Variants in SCN2A observed in about 807,000 individuals in gnomAD.
SCN2A encodes the protein sodium channel protein type 2 subunit alpha.
SCN2A carries 20 observed loss-of-function variants against 188.7 expected under a neutral mutation model. That is an observed-to-expected ratio of 0.11 (90% CI 0.07 to 0.15). The LOEUF (loss-of-function observed/expected upper bound fraction) is 0.15, where lower values mean the gene tolerates loss of function less well. Ranked by LOEUF, SCN2A falls within the 10% of genes least tolerant of loss-of-function variation. The probability of loss-of-function intolerance (pLI) is 1.00; values close to 1 mark genes in which losing one functional copy is unlikely to be tolerated. For missense variants in SCN2A, 1,278 were observed against 2,445.0 expected, an observed-to-expected ratio of 0.52 and a Z score of 10.07; for synonymous variants, 804 against 833.1, an observed-to-expected ratio of 0.97 and a Z score of 0.60.
chr2:165,271,140 A>G (rs1049982599), intron 1 of SCN2A: 1 of 152,028 alleles, frequency 6.6e-6, no homozygotes, highest in African/African-American at 2.4e-5. Flanking sequence ...TTGCTTTTGT[A>G]TGTTGTTCTC....
At chr2:165,280,285 A>C (rs1266282531) in intron 1 of SCN2A, among the ~76,000 whole-genome samples, 1 of 152,148 alleles carries the variant, frequency 6.6e-6, no homozygotes, top group Non-Finnish European at 1.5e-5. Context: ...TATGTACTCA[A>C]TCCCTACTCT....
At chr2:165,294,104 C>A in intron 1 of SCN2A, 1 of 975,164 alleles carries the variant, frequency 1.0e-6, no homozygotes, top group Non-Finnish European at 1.2e-6. Context: ...GCTTATCAAT[C>A]CCAAACTCTG....
intron 19 of SCN2A, among the ~76,000 whole-genome samples, chr2:165,369,572 C>T (rs1043042252): frequency 2.6e-5 from 4 of 152,060 alleles, no homozygotes; most frequent in African/African-American, 9.7e-5. Flanking sequence ...TTCTGGAAGC[C>T]TCAGGAGTTC....
intron 11 of SCN2A, among the ~76,000 whole-genome samples, chr2:165,316,156 C>A (rs1697735693): frequency 3.3e-5 from 5 of 152,140 alleles, no homozygotes; most frequent in Admixed American, 2.6e-4. Context: ...AGGCCACCTG[C>A]GGGGTTGTTC....
intron 11 of SCN2A, among the ~76,000 whole-genome samples, chr2:165,319,095 T>G (rs1018032105): frequency 2.6e-5 from 4 of 152,112 alleles, no homozygotes; most frequent in Non-Finnish European, 5.9e-5. Flanking sequence ...CCCAGCATTT[T>G]GGGAGGCCGA....
At chr2:165,360,988 G>A (rs1465824058) in intron 17 of SCN2A, among the ~76,000 whole-genome samples, 1 of 151,846 alleles carries the variant, frequency 6.6e-6, no homozygotes, top group Non-Finnish European at 1.5e-5. Context: ...CTACAGTTAG[G>A]TTGATCGTAA....
At chr2:165,306,379 C>A (rs190501540) in intron 3 of SCN2A, among the ~76,000 whole-genome samples, 2 of 152,176 alleles carry the variant, frequency 1.3e-5, no homozygotes, top group African/African-American at 4.8e-5. Flanking sequence ...CAATAGGGCT[C>A]AGCAGACCAA....
chr2:165,267,867 A>G (rs1182031862), intron 1 of SCN2A: 1 of 152,074 alleles, frequency 6.6e-6, no homozygotes, highest in Non-Finnish European at 1.5e-5. Flanking sequence ...ATCACTAATC[A>G]TCAGGAAAAC....
intron 12 of SCN2A, among the ~76,000 whole-genome samples, chr2:165,325,967 A>T (rs2105282458): frequency 6.6e-6 from 1 of 152,264 alleles, no homozygotes; most frequent in East Asian, 1.9e-4. Flanking sequence ...TTATATTTTG[A>T]TCATATTGTT....
chr2:165,386,403 G>T (rs180847511), intron 25 of SCN2A, among the ~76,000 whole-genome samples: 3 of 152,158 alleles, frequency 2.0e-5, no homozygotes, highest in African/African-American at 7.2e-5. Flanking sequence ...GGCAGAGGTT[G>T]CAGTGAGCCA....
At chr2:165,305,620 CTT>C (rs34412507) in intron 3 of SCN2A, among the ~76,000 whole-genome samples, 85,293 of 151,364 alleles carry the variant, frequency 0.56, 24,508 homozygotes, top group Middle Eastern at 0.64. Context: ...GGGAAGATAA[CTT>C]AATGCTAAGG....
intron 17 of SCN2A, among the ~76,000 whole-genome samples, chr2:165,360,765 CAAATTATACCA>C (rs1700420594): frequency 6.6e-6 from 1 of 151,820 alleles, no homozygotes; most frequent in African/African-American, 2.4e-5. Context: ...CCTAAATATC[CAAATTATACCA>C]AAGGGACATA....
Position 165,350,460 on chromosome 2 carries a change from C to CTTTTTTTTTTTTT in SCN2A, c.2920-3729_2920-3728insTTTTTTTTTTTTT, listed in dbSNP as rs796595702. Among the ~76,000 whole-genome samples, 78 of 77,892 alleles carry CTTTTTTTTTTTTT rather than the reference C, an allele frequency of 1.0e-3. 6 individuals carry two copies. Among genetic ancestry groups the CTTTTTTTTTTTTT allele is most frequent in the African/African-American group, 2.1e-3 (48 of 23,004 alleles). The allele number at this position is 77,892 out of a possible 152,430, so 51.1% of individuals were successfully genotyped here. On this transcript the variant is annotated intron_variant, in intron 16 of 26. Transcript: ENST00000375437. ...CTGAGTGAGCTTGCTGAACTGTTTT[C>CTTTTTTTTTTTTT]TTTCTTTTTTTTTTTTTTTTTTTTT...
Position 165,354,642 on chromosome 2 carries a change from A to T in SCN2A, c.3370A>T (p.Ser1124Cys), listed in dbSNP as rs777414804. Residue 1124 changes from serine (S) to cysteine (C), a missense_variant, in exon 17 of 27, where the codon AGC becomes TGC. Ser to Cys is a moderately radical substitution (Grantham distance 112). Transcript: ENST00000375437. ...FENLNTEEFS[S>C]ESDMEESKEK... ...AAATTTAAATACTGAAGAATTCAGC[A>T]GCGAGTCAGATATGGAGGAAAGCAA... 1 of 1,613,926 alleles carries T rather than the reference A, an allele frequency of 6.2e-7. No individual in the cohort carries two copies. The highest frequency in any genetic ancestry group is 1.7e-5 in the Admixed American group (1 of 60,024).
chr2:165,283,445 A>G (rs1182042243), intron 1 of SCN2A, among the ~76,000 whole-genome samples: 2 of 152,198 alleles, frequency 1.3e-5, no homozygotes, highest in African/African-American at 4.8e-5. Flanking sequence ...GTATTGCAGA[A>G]GAGAGTTCCT....
chr2:165,286,955 A>T (rs1695863810), intron 1 of SCN2A, among the ~76,000 whole-genome samples: 1 of 152,126 alleles, frequency 6.6e-6, no homozygotes, highest in Non-Finnish European at 1.5e-5. Context: ...TTTTACATTT[A>T]ACATGTCACC....
chr2:165,312,212 G>A (rs951239918), intron 8 of SCN2A, 124 bp downstream of exon 8: 12 of 737,264 alleles, frequency 1.6e-5, no homozygotes, highest in East Asian at 2.7e-5. Flanking sequence ...TCTACTTCAC[G>A]GTGACTCTCA....
At chr2:165,246,106 T>C (rs6709306) in intron 1 of SCN2A, among the ~76,000 whole-genome samples, 1 of 151,966 alleles carries the variant, frequency 6.6e-6, no homozygotes, top group Non-Finnish European at 1.5e-5. Flanking sequence ...CACAGCATCA[T>C]AAATCTATTC....
At chr2:165,251,901 C>T (rs1421511025) in intron 1 of SCN2A, among the ~76,000 whole-genome samples, 2 of 151,902 alleles carry the variant, frequency 1.3e-5, no homozygotes, top group African/African-American at 2.4e-5. Context: ...TTTTTATCCT[C>T]ACAACGATCA....
Sources: gnomAD v4.1 joint callset for allele counts (sites outside exome capture counted in the v4.1 genomes callset) on GRCh38, gnomAD v4.1.1 for gene constraint, MANE v1.5 for transcripts, NCBI Gene and HGNC (gene_info 2026-07-23, HGNC 2026-07-21) for gene names.